The following MECOM variants were observed in gnomAD, a reference collection of about 807,000 sequenced individuals.
The protein encoded by MECOM is MDS1 and EVI1 complex locus, also known as histone-lysine N-methyltransferase MECOM.
In MECOM, 13 loss-of-function variants were observed where a neutral mutation model predicts 116.3. That is an observed-to-expected ratio of 0.11 (90% CI 0.07 to 0.18). MECOM has a LOEUF of 0.18. Among genes scored for constraint, MECOM ranks in the 10% least tolerant of loss-of-function variants. The pLI, the probability that MECOM is intolerant of heterozygous loss-of-function variation, is 1.00. For missense variants in MECOM, 1,299 were observed against 1,509.0 expected, an observed-to-expected ratio of 0.86 and a Z score of 2.31; for synonymous variants, 528 against 535.2, an observed-to-expected ratio of 0.99 and a Z score of 0.19.
At chr3:169,158,922 T>C (rs1742412051) in intron 2 of MECOM, among the ~76,000 whole-genome samples, 1 of 152,126 alleles carries the variant, frequency 6.6e-6, no homozygotes, top group Non-Finnish European at 1.5e-5. Context: ...ATAACCGAGG[T>C]TCATGGCTCT....
At chr3:169,482,746 A>C (rs1751519181) in intron 1 of MECOM, among the ~76,000 whole-genome samples, 1 of 152,164 alleles carries the variant, frequency 6.6e-6, no homozygotes, top group South Asian at 2.1e-4. Context: ...AACTCATATT[A>C]ACCTACTCTG....
At chr3:169,317,940 A>T (rs969104233) in intron 2 of MECOM, among the ~76,000 whole-genome samples, 12 of 152,186 alleles carry the variant, frequency 7.9e-5, no homozygotes, top group Non-Finnish European at 1.5e-4. Context: ...AGACCAATGG[A>T]ACAGAACAGG....
chr3:169,168,937 T>C (rs1417987791), intron 2 of MECOM, among the ~76,000 whole-genome samples: 1 of 151,854 alleles, frequency 6.6e-6, no homozygotes, highest in Non-Finnish European at 1.5e-5. Context: ...TAGATAAAAA[T>C]AGAATAGATT....
intron 2 of MECOM, among the ~76,000 whole-genome samples, chr3:169,262,584 G>C (rs1302324934): frequency 6.6e-6 from 1 of 152,108 alleles, no homozygotes; most frequent in South Asian, 2.1e-4. Flanking sequence ...GGGCTCTTTA[G>C]AGTCTGTGAT....
chr3:169,146,477 C>A (rs1333174749), intron 2 of MECOM: 1 of 1,383,402 alleles, frequency 7.2e-7, no homozygotes, highest in Non-Finnish European at 9.6e-7. Flanking sequence ...AGAAACCCAC[C>A]GAAGGCCGGA....
chr3:169,379,470 A>G (rs1394354503), intron 2 of MECOM, among the ~76,000 whole-genome samples: 2 of 152,096 alleles, frequency 1.3e-5, no homozygotes, highest in African/African-American at 4.8e-5. Context: ...ACATAATGAA[A>G]AAAATCATTT....
chr3:169,466,640 G>T (rs981885768), intron 1 of MECOM, among the ~76,000 whole-genome samples: 2 of 151,642 alleles, frequency 1.3e-5, no homozygotes, highest in South Asian at 2.1e-4. Context: ...TTTCACTTCG[G>T]CCTCTTTAAA....
In MECOM at chr3:169,663,428, C is replaced by T; in HGVS notation, c.-56G>A. ...TGGTTGGGGCTTTTTTTTCTTGGAT[C>T]CTTTCCTTCTTTTGCTCTCCCTCTC... On this transcript the variant is annotated 5_prime_UTR_variant, in exon 1 of 17. Transcript: ENST00000651503. 2 of 1,561,702 alleles carry T rather than the reference C, an allele frequency of 1.3e-6. No homozygotes were observed. The highest frequency in any genetic ancestry group is 1.4e-5 in the African/African-American group (1 of 72,738).
intron 1 of MECOM, among the ~76,000 whole-genome samples, chr3:169,515,522 T>C (rs1040402792): frequency 5.9e-5 from 9 of 152,214 alleles, no homozygotes; most frequent in Non-Finnish European, 8.8e-5. Context: ...CTTTAAAACA[T>C]GAGAATTTTT....
At chr3:169,238,234 C>T (rs1209822437) in intron 2 of MECOM, among the ~76,000 whole-genome samples, 1 of 148,680 alleles carries the variant, frequency 6.7e-6, no homozygotes, top group Non-Finnish European at 1.5e-5. Flanking sequence ...AAATCAAAGA[C>T]ATCCTCAAAA....
chr3:169,214,986 A>G (rs1392262775), intron 2 of MECOM, among the ~76,000 whole-genome samples: 1 of 150,112 alleles, frequency 6.7e-6, no homozygotes, highest in Non-Finnish European at 1.5e-5. Flanking sequence ...GAAGATTTAG[A>G]AAACTAAAAG....
At chr3:169,368,973 G>A (rs1327205802) in intron 2 of MECOM, among the ~76,000 whole-genome samples, 1 of 151,956 alleles carries the variant, frequency 6.6e-6, no homozygotes, top group African/African-American at 2.4e-5. Flanking sequence ...TTTGAAAAAC[G>A]ATTGATTCAC....
chr3:169,396,849 T>C (rs1315236851), intron 1 of MECOM, among the ~76,000 whole-genome samples: 5 of 152,134 alleles, frequency 3.3e-5, no homozygotes, highest in African/African-American at 7.2e-5. Context: ...GGTGCATGCC[T>C]GTAATCTCAG....
intron 9 of MECOM, among the ~76,000 whole-genome samples, chr3:169,110,099 C>A (rs1321427978): frequency 6.6e-6 from 1 of 152,078 alleles, no homozygotes; most frequent in African/African-American, 2.4e-5. Context: ...GAAAATGAAG[C>A]AATGAACAGT....
chr3:169,186,153 T>C (rs1746677873), intron 2 of MECOM, among the ~76,000 whole-genome samples: 1 of 152,036 alleles, frequency 6.6e-6, no homozygotes, highest in Non-Finnish European at 1.5e-5. Flanking sequence ...CCTCACTTGA[T>C]CTCCTAAGGG....
chr3:169,367,145 G>A (rs1729313271), intron 2 of MECOM, among the ~76,000 whole-genome samples: 1 of 152,036 alleles, frequency 6.6e-6, no homozygotes, highest in South Asian at 2.1e-4. Flanking sequence ...TGAAAAAACA[G>A]AAATGCAGAG....
chr3:169,105,081 T>G (rs1393167711), intron 10 of MECOM, among the ~76,000 whole-genome samples: 1 of 152,106 alleles, frequency 6.6e-6, no homozygotes, highest in Non-Finnish European at 1.5e-5. Flanking sequence ...GGGTAACTAT[T>G]AACACACATA....
chr3:169,473,457 C>A (rs1046643274), intron 1 of MECOM, among the ~76,000 whole-genome samples: 6 of 152,080 alleles, frequency 3.9e-5, no homozygotes, highest in African/African-American at 1.4e-4. Context: ...ACAGGTTAGG[C>A]GAAGGAAGAA....
chr3:169,654,968 T>C (rs1190708325), intron 1 of MECOM, among the ~76,000 whole-genome samples: 2 of 152,202 alleles, frequency 1.3e-5, no homozygotes, highest in East Asian at 1.9e-4. Context: ...ATCTGGACAT[T>C]GCAAACCCTA....
Sources: allele counts gnomAD v4.1 joint callset (sites outside exome capture counted in the v4.1 genomes callset), GRCh38; gene constraint gnomAD v4.1.1; transcripts MANE v1.5; gene names NCBI Gene and HGNC (gene_info 2026-07-23, HGNC 2026-07-21).